TENM1: variants seen among roughly 807,000 people sequenced by gnomAD.
TENM1 encodes the protein teneurin-1.
TENM1 carries 35 observed loss-of-function variants against 174.8 expected under a neutral mutation model. The ratio of observed to expected loss-of-function variants is 0.20; its 90% CI spans 0.15 to 0.27. The LOEUF (loss-of-function observed/expected upper bound fraction) is 0.27. Ranked by LOEUF, TENM1 falls within the 10% of genes least tolerant of loss-of-function variation. The probability of loss-of-function intolerance (pLI) is 1.00; values close to 1 mark genes in which losing one functional copy is unlikely to be tolerated. For synonymous variants in TENM1, 781 were observed against 798.7 expected (o/e 0.98, Z 0.37); for missense variants, 1,633 against 2,130.1 (o/e 0.77, Z 4.59).
the TENM1 span, among the ~76,000 whole-genome samples, chrX:125,055,294 AC>A: frequency 3.6e-5 from 4 of 111,726 alleles, no homozygotes; most frequent in South Asian, 1.5e-3. Context: ...TCTTGCGGCT[AC>A]TAAGTGTCAG....
At chrX:125,012,052 G>T in the TENM1 span, among the ~76,000 whole-genome samples, 1 of 111,523 alleles carries the variant, frequency 9.0e-6, no homozygotes, top group Non-Finnish European at 1.9e-5. Context: ...GATGAAACTG[G>T]AAGCCATCAT....
At chrX:124,493,508 T>A (rs1048454959) in intron 20 of TENM1, among the ~76,000 whole-genome samples, 3 of 111,727 alleles carry the variant, frequency 2.7e-5, no homozygotes, top group Non-Finnish European at 5.7e-5. Context: ...GGGTTAACTA[T>A]GTAGACTCAG....
chrX:125,052,135 C>T, the TENM1 span, among the ~76,000 whole-genome samples: 2 of 111,818 alleles, frequency 1.8e-5, no homozygotes, highest in Admixed American at 1.9e-4. Context: ...CAAATCAAAA[C>T]CACAAGGAGA....
chrX:124,447,551 C>A (rs1041674225), intron 23 of TENM1, among the ~76,000 whole-genome samples: 1 of 112,112 alleles, frequency 8.9e-6, no homozygotes, highest in African/African-American at 3.2e-5. Flanking sequence ...AATTAGCACT[C>A]TATCAAAGGT....
At chrX:125,160,220 G>A in the TENM1 span, among the ~76,000 whole-genome samples, 1 of 100,487 alleles carries the variant, frequency 1.0e-5, no homozygotes. Flanking sequence ...AAAAAAAAAA[G>A]AAAAAAGAAA....
At chrX:124,720,705 A>G (rs1480918024) in intron 4 of TENM1, among the ~76,000 whole-genome samples, 2 of 112,379 alleles carry the variant, frequency 1.8e-5, no homozygotes, top group African/African-American at 6.5e-5. Flanking sequence ...ACAAAATTGT[A>G]TCAAGCACCT....
intron 25 of TENM1, among the ~76,000 whole-genome samples, chrX:124,409,991 A>C (rs2060514457): frequency 9.1e-6 from 1 of 109,538 alleles, no homozygotes; most frequent in African/African-American, 3.3e-5. Flanking sequence ...GCTACCAATG[A>C]CTTTCTTCAC....
At chrX:125,094,823 T>C in the TENM1 span, among the ~76,000 whole-genome samples, 1 of 112,361 alleles carries the variant, frequency 8.9e-6, no homozygotes, top group African/African-American at 3.2e-5. Context: ...ATTATTTTGA[T>C]TGTCAGAACC....
At chrX:124,941,095 C>G (rs1603285240) in intron 1 of TENM1, among the ~76,000 whole-genome samples, 1 of 111,321 alleles carries the variant, frequency 9.0e-6, no homozygotes, top group East Asian at 2.8e-4. Context: ...CTCTCCTTGA[C>G]CATCCCATCA....
At chrX:125,148,384 T>C in the TENM1 span, among the ~76,000 whole-genome samples, 2 of 111,484 alleles carry the variant, frequency 1.8e-5, no homozygotes, top group Non-Finnish European at 3.8e-5. Flanking sequence ...AGTCCAATTA[T>C]GACATCTGTA....
the TENM1 span, among the ~76,000 whole-genome samples, chrX:125,182,449 C>T: frequency 1.7e-4 from 1 of 5,733 alleles, no homozygotes; most frequent in Non-Finnish European, 7.2e-4. Flanking sequence ...ATCTTTTCGG[C>T]GGGCGGGGGG....
At chrX:124,944,750 C>A (rs6608224) in intron 1 of TENM1, among the ~76,000 whole-genome samples, 9,151 of 106,579 alleles carry the variant, frequency 0.086, 985 homozygotes, top group African/African-American at 0.3. Flanking sequence ...CAAATGAATA[C>A]AATAAAAATA....
the TENM1 span, among the ~76,000 whole-genome samples, chrX:125,057,762 C>A: frequency 2.7e-5 from 3 of 111,269 alleles, no homozygotes; most frequent in Non-Finnish European, 5.7e-5. Context: ...ATTGATCAAT[C>A]TGTGGCCAAT....
intron 28 of TENM1, among the ~76,000 whole-genome samples, chrX:124,389,400 G>A (rs768448586): frequency 3.6e-5 from 4 of 111,855 alleles, no homozygotes; most frequent in Non-Finnish European, 5.6e-5. Context: ...CTACAAGAAC[G>A]AGCCTCTTTA....
intron 3 of TENM1, among the ~76,000 whole-genome samples, chrX:124,803,602 T>C (rs746844119): frequency 8.9e-6 from 1 of 112,386 alleles, no homozygotes; most frequent in South Asian, 3.7e-4. Flanking sequence ...ACTTACCTAG[T>C]TGTATGCTTA....
intron 3 of TENM1, among the ~76,000 whole-genome samples, chrX:124,845,925 G>T (rs746994715): frequency 9.1e-6 from 1 of 110,277 alleles, no homozygotes; most frequent in Non-Finnish European, 1.9e-5. Context: ...TAAAAGCTTT[G>T]CGTGAATATG....
At chrX:124,698,129 C>T (rs187311892) in intron 5 of TENM1, among the ~76,000 whole-genome samples, 39 of 111,138 alleles carry the variant, frequency 3.5e-4, no homozygotes, top group Non-Finnish European at 5.7e-4. Context: ...CCCTGGGCTT[C>T]TTGAACACCA....
At chrX:124,702,319 G>A (rs1480659913) in intron 5 of TENM1, among the ~76,000 whole-genome samples, 1 of 111,607 alleles carries the variant, frequency 9.0e-6, no homozygotes. Flanking sequence ...TAAATCAAGA[G>A]AGATTTTTAC....
chrX:124,734,506 G>A (rs975926965), intron 4 of TENM1, among the ~76,000 whole-genome samples: 2 of 111,215 alleles, frequency 1.8e-5, no homozygotes, highest in Non-Finnish European at 3.8e-5. Flanking sequence ...TCTATCACTA[G>A]TATAGTTCTA....
Sources: allele counts gnomAD v4.1 joint callset (sites outside exome capture counted in the v4.1 genomes callset), GRCh38; gene constraint gnomAD v4.1.1; transcripts MANE v1.5; gene names NCBI Gene and HGNC (gene_info 2026-07-23, HGNC 2026-07-21).